Variants in MCM5 observed in about 807,000 individuals in gnomAD.
MCM5 encodes the protein DNA replication licensing factor MCM5.
MCM5 carries 46 observed loss-of-function variants against 79.9 expected under a neutral mutation model. The observed-to-expected ratio is 0.58, with a 90% confidence interval of 0.45 to 0.74. MCM5 has a LOEUF of 0.74. Among genes scored for constraint, MCM5 ranks in the 30% least tolerant of loss-of-function variants. MCM5 has a pLI of 0.00. For missense variants in MCM5, 883 were observed against 1,017.0 expected, an observed-to-expected ratio of 0.87 and a Z score of 1.79; for synonymous variants, 404 against 390.5, an observed-to-expected ratio of 1.03 and a Z score of -0.41.
intron 4 of MCM5, among the ~76,000 whole-genome samples, chr22:35,406,296 A>AC (rs758388958): frequency 0.048 from 5,822 of 120,462 alleles, 777 homozygotes; most frequent in African/African-American, 0.15. Context: ...TTGCCCTGCC[A>AC]CCTCCCCCCC....
At chr22:35,438,024 A>G in the MCM5 span, among the ~76,000 whole-genome samples, 124,589 of 152,030 alleles carry the variant, frequency 0.82, 51,654 homozygotes, top group African/African-American at 0.89. Flanking sequence ...CTATTCACCA[A>G]GCGAGGGCAA....
At chr22:35,429,719 A>G (rs1018829403), downstream of MCM5, among the ~76,000 whole-genome samples, 1 of 151,986 alleles carries the variant, frequency 6.6e-6, no homozygotes, top group Admixed American at 6.6e-5. Context: ...TATTTTTAGT[A>G]GAGATGGGGT....
Position 35,413,986 on chromosome 22 carries a change from G to A in MCM5, c.1203G>A (p.Gly401=). The part of the protein sequence containing the change: ...LKFVEKCSPI[G]VYTSGKGSSA... ...TTGTGGAGAAGTGTTCTCCCATTGGGGTGAGTGGCCTGGGATACCTTTGCC... is the reference window on the plus strand; with the variant it reads ...TTGTGGAGAAGTGTTCTCCCATTGGAGTGAGTGGCCTGGGATACCTTTGCC... The change falls in exon 9 of 17, where the codon GGG becomes GGA. Residue 401 remains glycine (G), a splice_region_variant and synonymous_variant. Coordinates refer to ENST00000216122, the MANE Select transcript of MCM5 (RefSeq NM_006739.4). 6.2e-7 allele frequency: 1 copy of A among 1,609,014 alleles called. No individual in the cohort carries two copies. The highest frequency in any genetic ancestry group is 2.2e-5 in the East Asian group (1 of 44,862).
chr22:35,412,396 C>T (rs1406142645), intron 7 of MCM5, 114 bp from the exon 8 acceptor site: 1 of 819,570 alleles, frequency 1.2e-6, no homozygotes, highest in East Asian at 2.9e-5. Flanking sequence ...CTGTCCTGGC[C>T]CTAAGGGCCC....
chr22:35,405,675 G>A (rs1932191324), intron 4 of MCM5, among the ~76,000 whole-genome samples: 1 of 152,064 alleles, frequency 6.6e-6, no homozygotes, highest in East Asian at 1.9e-4. Flanking sequence ...CCTTTGAAGA[G>A]TCATTTTTAA....
At position 35,424,111 on chromosome 22, in the gene MCM5, C is replaced by T. The variant is rs757275795; in HGVS notation, c.2104-43C>T. Reference sequence around the variant, plus strand: ...GGATGTCTGGGCTCTGTCGGAGTCCCCTCGGGCAGCACGTGCCGTTAGCCA... The same window carrying T: ...GGATGTCTGGGCTCTGTCGGAGTCCTCTCGGGCAGCACGTGCCGTTAGCCA... On this transcript the variant is annotated intron_variant, in intron 16 of 16. Transcript: ENST00000216122. 5 of 1,370,582 alleles carry T rather than the reference C, an allele frequency of 3.6e-6. No homozygotes were observed. In the South Asian group the frequency reaches 6.3e-5, roughly 17 times the overall value. The allele number at this position is 1,370,582 out of a possible 1,614,324, so 84.9% of individuals were successfully genotyped here.
chr22:35,401,317 T>C, intron 2 of MCM5: 3 of 449,886 alleles, frequency 6.7e-6, no homozygotes, highest in Non-Finnish European at 1.4e-5. Flanking sequence ...GTGTAAAAGG[T>C]GAAGATGGCA....
At chr22:35,414,382 G>A (rs1019639269) in intron 9 of MCM5, among the ~76,000 whole-genome samples, 4 of 152,166 alleles carry the variant, frequency 2.6e-5, no homozygotes, top group Non-Finnish European at 5.9e-5. Context: ...CGCTTTGGGA[G>A]GCCGAGGTGG....
the MCM5 span, among the ~76,000 whole-genome samples, chr22:35,438,668 T>TCCATCCACCC: frequency 2.9e-5 from 1 of 34,184 alleles, no homozygotes; most frequent in African/African-American, 1.3e-4. Context: ...TCCATCCACA[T>TCCATCCACCC]ATTCACCCAT....
At chr22:35,453,845 G>GAGAGAGAGAGAGAGAGAGAT in the MCM5 span, among the ~76,000 whole-genome samples, 1 of 149,706 alleles carries the variant, frequency 6.7e-6, no homozygotes, top group African/African-American at 2.5e-5. Context: ...GAGAGAGAGA[G>GAGAGAGAGAGAGAGAGAGAT]AGATAGGGAG....
chr22:35,428,562 A>ATTT (rs1932792232), downstream of MCM5, among the ~76,000 whole-genome samples: 1 of 152,114 alleles, frequency 6.6e-6, no homozygotes, highest in Non-Finnish European at 1.5e-5. Flanking sequence ...ATATGTAGAT[A>ATTT]GTTTTTTACA....
chr22:35,441,467 A>C, the MCM5 span, among the ~76,000 whole-genome samples: 1 of 152,108 alleles, frequency 6.6e-6, no homozygotes, highest in Non-Finnish European at 1.5e-5. Context: ...GTACTCTTCT[A>C]TGTCAGTACC....
chr22:35,445,030 A>G, the MCM5 span, among the ~76,000 whole-genome samples: 2 of 152,148 alleles, frequency 1.3e-5, no homozygotes, highest in African/African-American at 2.4e-5. Flanking sequence ...ATGGAGGTGG[A>G]AGCTCACCAG....
chr22:35,423,641 C>T (rs1023092176), intron 16 of MCM5: 3 of 241,694 alleles, frequency 1.2e-5, no homozygotes, highest in Non-Finnish European at 1.6e-5. Flanking sequence ...TGCCTTTCCC[C>T]GTTGGCGGGC....
chr22:35,450,277 C>T, the MCM5 span, among the ~76,000 whole-genome samples: 1 of 152,050 alleles, frequency 6.6e-6, no homozygotes, highest in African/African-American at 2.4e-5. Context: ...CGACCTTATT[C>T]CACTTCTCTG....
At chr22:35,401,687 G>T (rs867739957) in intron 2 of MCM5, 10 of 471,002 alleles carry the variant, frequency 2.1e-5, no homozygotes, top group Middle Eastern at 3.2e-4. Context: ...GCCCACCTGT[G>T]TGCCAGGCAC....
rs1048306448 is a variant in MCM5, at chr22:35,424,256, GTCGCGCCGCC to G, written c.*4_*13del. On this transcript the variant is annotated 3_prime_UTR_variant, in exon 17 of 17. Transcript: ENST00000216122. Reference sequence around the variant, plus strand: ...CAAGGTTCTCTACCGCCTCAAGTGAGTCGCGCCGCCTCACTGGACTCATGGACTCGCCCAC... The same window carrying G: ...CAAGGTTCTCTACCGCCTCAAGTGAGTCACTGGACTCATGGACTCGCCCAC... The G allele has an allele frequency of 6.5e-7, 1 of 1,541,036 alleles. No homozygotes were observed. Among genetic ancestry groups the G allele is most frequent in the Non-Finnish European group, 8.8e-7 (1 of 1,140,926 alleles).
chr22:35,413,441 G>A (rs2145793345), intron 8 of MCM5, among the ~76,000 whole-genome samples: 1 of 152,282 alleles, frequency 6.6e-6, no homozygotes, highest in East Asian at 1.9e-4. Context: ...ATAGATGAGG[G>A]AATTGAGGCA....
chr22:35,432,716 C>CG, the MCM5 span, among the ~76,000 whole-genome samples: 70 of 150,502 alleles, frequency 4.7e-4, no homozygotes, highest in East Asian at 6.1e-3. Context: ...TGTGTGTGTG[C>CG]GGGGGGGTGG....
Sources: allele counts gnomAD v4.1 joint callset (sites outside exome capture counted in the v4.1 genomes callset), GRCh38; gene constraint gnomAD v4.1.1; transcripts MANE v1.5; gene names NCBI Gene and HGNC (gene_info 2026-07-23, HGNC 2026-07-21).